The following LIPI variants were observed in gnomAD, a reference collection of about 807,000 sequenced individuals.
The protein encoded by LIPI is lipase I, also known as lipase member I.
Under a neutral mutation model 50.6 loss-of-function variants are expected in LIPI, and 59 were observed. The ratio of observed to expected loss-of-function variants is 1.16; its 90% CI spans 0.94 to 1.45. LIPI has a LOEUF of 1.45. Ranked by LOEUF, LIPI falls within the 40% of genes most tolerant of loss-of-function variation. The pLI is 0.00. For missense variants in LIPI, 586 were observed against 536.3 expected (o/e 1.09, Z -0.92); for synonymous variants, 203 against 178.2 (o/e 1.14, Z -1.11).
At chr21:14,176,909 G>A (rs1036304621) in intron 4 of LIPI, among the ~76,000 whole-genome samples, 4 of 151,702 alleles carry the variant, frequency 2.6e-5, no homozygotes, top group African/African-American at 9.7e-5. Flanking sequence ...ATTTACATTA[G>A]GTATATCGAA....
intron 9 of LIPI, among the ~76,000 whole-genome samples, chr21:14,115,938 G>A (rs1485213937): frequency 1.3e-5 from 2 of 152,134 alleles, no homozygotes; most frequent in African/African-American, 4.8e-5. Flanking sequence ...AAATGGGCTG[G>A]AAGAGTGGCA....
At chr21:14,189,447 G>C (rs2019586795) in intron 1 of LIPI, 28 bp from the exon 2 acceptor site, 2 of 1,597,062 alleles carry the variant, frequency 1.3e-6, no homozygotes, top group Non-Finnish European at 1.7e-6. Context: ...CAGTCAAGCT[G>C]AGTACTGGGA....
At chr21:14,191,654 A>G (rs1032074334) in intron 1 of LIPI, among the ~76,000 whole-genome samples, 3 of 152,172 alleles carry the variant, frequency 2.0e-5, no homozygotes, top group Non-Finnish European at 4.4e-5. Flanking sequence ...GCACCAATTC[A>G]CCACTCCCTG....
At chr21:14,169,277 C>A (rs1320843806) in intron 4 of LIPI, among the ~76,000 whole-genome samples, 2 of 151,980 alleles carry the variant, frequency 1.3e-5, no homozygotes, top group Non-Finnish European at 2.9e-5. Flanking sequence ...GACTTTAACA[C>A]CTCACTGTCA....
chr21:14,171,072 C>A (rs1342642082), intron 4 of LIPI, among the ~76,000 whole-genome samples: 1 of 148,788 alleles, frequency 6.7e-6, no homozygotes, highest in Non-Finnish European at 1.5e-5. Context: ...ACACCAATAA[C>A]AGACAAACAG....
chr21:14,173,827 A>G (rs2019003099), intron 4 of LIPI, among the ~76,000 whole-genome samples: 1 of 152,062 alleles, frequency 6.6e-6, no homozygotes, highest in African/African-American at 2.4e-5. Flanking sequence ...GACAATGTAG[A>G]TGACTTCATG....
chr21:14,165,614 TA>T (rs753819683), intron 5 of LIPI, among the ~76,000 whole-genome samples: 5 of 152,188 alleles, frequency 3.3e-5, no homozygotes, highest in Admixed American at 6.6e-5. Context: ...TTTAAAGTAA[TA>T]ATTAACATAG....
At chr21:14,153,272 G>A (rs2018161975) in intron 7 of LIPI, among the ~76,000 whole-genome samples, 1 of 152,136 alleles carries the variant, frequency 6.6e-6, no homozygotes, top group Non-Finnish European at 1.5e-5. Flanking sequence ...AGGAAATTTT[G>A]ACTACAGGAG....
intron 4 of LIPI, among the ~76,000 whole-genome samples, chr21:14,175,530 T>C (rs947115101): frequency 6.6e-6 from 1 of 152,144 alleles, no homozygotes; most frequent in East Asian, 1.9e-4. Flanking sequence ...TTTATAACAG[T>C]CTCAATTTTT....
rs1369459268 is a variant in LIPI, at chr21:14,204,620, A to T, written c.46+6180T>A. Among the ~76,000 whole-genome samples, 4 of 152,036 alleles carry T rather than the reference A, an allele frequency of 2.6e-5. No individual in the cohort carries two copies. The East Asian group carries it at 5.8e-4, about 22-fold the overall frequency. The stretch of plus-strand genomic sequence containing the variant: ...TAAACCAATTAAAAAGAGGCCTGTG[A>T]AACAGAACCAAAAATAGTTTAATGA... On this transcript the variant is annotated intron_variant, in intron 1 of 9. Transcript: ENST00000681601.
In LIPI at chr21:14,163,483, C is replaced by A. The variant is rs770073877; in HGVS notation, c.942G>T (p.Arg314Ser). Residue 314 changes from arginine (R) to serine (S), a missense_variant, in exon 7 of 10, where the codon AGG becomes AGT. Coordinates refer to ENST00000681601, the MANE Select transcript of LIPI (RefSeq NM_001302998.2). Reference sequence around the variant, plus strand: ...TGGTCCTAAGAGGTCTTCCTTCCATCCTTTCTTTTAAAACACCTTTAAATA... The same window carrying A: ...TGGTCCTAAGAGGTCTTCCTTCCATACTTTCTTTTAAAACACCTTTAAATA... ...AKLFKGVLKE[R>S]MEGRPLRTTV... 5 of 1,591,654 alleles carry A rather than the reference C, an allele frequency of 3.1e-6. No homozygotes were observed. Among genetic ancestry groups the A allele is most frequent in the Non-Finnish European group, 4.3e-6 (5 of 1,159,938 alleles).
chr21:14,185,885 A>T (rs2019436171), intron 3 of LIPI, 76 bp downstream of exon 3: 1 of 918,212 alleles, frequency 1.1e-6, no homozygotes, highest in Non-Finnish European at 1.7e-6. Flanking sequence ...TCTGTCTCAA[A>T]AAAAAAAAAA....
In LIPI at chr21:14,181,847, G is replaced by C. The variant is rs1289708892; in HGVS notation, c.554C>G (p.Ala185Gly). 1.2e-6 allele frequency: 2 copies of C among 1,605,736 alleles called. No individual in the cohort carries two copies. Among genetic ancestry groups the C allele is most frequent in the South Asian group, 2.2e-5 (2 of 90,744 alleles). The change falls in exon 4 of 10, where the codon GCT becomes GGT. Residue 185 changes from alanine (A) to glycine (G), a missense_variant. Physicochemically the swap from Ala to Gly is moderately conservative, Grantham distance 60 (BLOSUM62 0). Transcript: ENST00000681601. Reference sequence around the variant, plus strand: ...TGGTTTTCTGGAGAACCTTGGCCCAGCAGGGTCAAGACCTGGAAAGCAAGA... The same window carrying C: ...TGGTTTTCTGGAGAACCTTGGCCCACCAGGGTCAAGACCTGGAAAGCAAGA... Reference protein sequence around the residue: ...QLGRITGLDPAGPRFSRKPPY... With the variant: ...QLGRITGLDPGGPRFSRKPPY...
chr21:14,197,201 A>G (rs567760537), intron 1 of LIPI, among the ~76,000 whole-genome samples: 177 of 151,614 alleles, frequency 1.2e-3, no homozygotes, highest in African/African-American at 4.1e-3. Context: ...TTATTAAAAT[A>G]ACAGAATGCT....
chr21:14,113,461 T>G (rs1024974086), intron 9 of LIPI, among the ~76,000 whole-genome samples: 2 of 152,142 alleles, frequency 1.3e-5, no homozygotes, highest in Non-Finnish European at 2.9e-5. Flanking sequence ...TCAGTGAACT[T>G]GATAACATAG....
intron 8 of LIPI, among the ~76,000 whole-genome samples, chr21:14,145,411 G>T (rs2017866110): frequency 6.6e-6 from 1 of 152,124 alleles, no homozygotes; most frequent in Admixed American, 6.6e-5. Context: ...AAGCCACACA[G>T]CTAATAATGC....
At chr21:14,179,744 C>A (rs184001551) in intron 4 of LIPI, among the ~76,000 whole-genome samples, 19 of 152,304 alleles carry the variant, frequency 1.2e-4, no homozygotes, top group African/African-American at 4.6e-4. Context: ...TCTTCATAAG[C>A]TGAGGATATA....
chr21:14,148,624 T>C (rs1438910771), intron 8 of LIPI, among the ~76,000 whole-genome samples: 1 of 152,220 alleles, frequency 6.6e-6, no homozygotes, highest in African/African-American at 2.4e-5. Context: ...TTATTGCTTC[T>C]AGGTTATAAA....
chr21:14,166,978 T>C (rs939069634), intron 4 of LIPI, among the ~76,000 whole-genome samples: 1 of 152,194 alleles, frequency 6.6e-6, no homozygotes, highest in Non-Finnish European at 1.5e-5. Flanking sequence ...GGGTGACAGA[T>C]GGCACCTGGA....
Sources: gnomAD v4.1 joint callset for allele counts (sites outside exome capture counted in the v4.1 genomes callset) on GRCh38, gnomAD v4.1.1 for gene constraint, MANE v1.5 for transcripts, NCBI Gene and HGNC (gene_info 2026-07-23, HGNC 2026-07-21) for gene names.